SH2D1B: variants seen among roughly 807,000 people sequenced by gnomAD.
The protein encoded by SH2D1B is SH2 domain-containing protein 1B.
SH2D1B carries 11 observed loss-of-function variants against 16.3 expected under a neutral mutation model. That is an observed-to-expected ratio of 0.67 (90% CI 0.42 to 1.11). The LOEUF (loss-of-function observed/expected upper bound fraction) is 1.11. Ranked by LOEUF, SH2D1B falls within the 50% of genes most tolerant of loss-of-function variation. SH2D1B has a pLI of 0.00. For missense variants in SH2D1B, 123 were observed against 153.1 expected (o/e 0.80, Z 1.04); for synonymous variants, 55 against 56.1 (o/e 0.98, Z 0.09).
intron 2 of SH2D1B, among the ~76,000 whole-genome samples, chr1:162,402,075 T>C (rs1224115447): frequency 6.6e-6 from 1 of 152,208 alleles, no homozygotes; most frequent in Non-Finnish European, 1.5e-5. Context: ...CCCTAAACAC[T>C]CTGACCTCTT....
chr1:162,403,697 A>C, intron 1 of SH2D1B, among the ~76,000 whole-genome samples: 1 of 87,260 alleles, frequency 1.1e-5, no homozygotes, highest in African/African-American at 5.2e-5. Flanking sequence ...TGAATGAAGA[A>C]AGTTACACAC....
chr1:162,408,978 C>A (rs2250489), intron 1 of SH2D1B, among the ~76,000 whole-genome samples: 1 of 151,262 alleles, frequency 6.6e-6, no homozygotes, highest in Non-Finnish European at 1.5e-5. Flanking sequence ...CATGGTAGTG[C>A]GCACCTGTAG....
At chr1:162,399,570 C>T (rs1414856952) in intron 2 of SH2D1B, among the ~76,000 whole-genome samples, 3 of 152,068 alleles carry the variant, frequency 2.0e-5, no homozygotes, top group Non-Finnish European at 1.5e-5. Context: ...AAACGTGTGC[C>T]GTAGTGGTTT....
At position 162,412,086 on chromosome 1, in the gene SH2D1B, G is replaced by T; in HGVS notation, c.-70C>A. 6.3e-7 allele frequency: 1 copy of T among 1,594,408 alleles called. No individual in the cohort carries two copies. The highest frequency in any genetic ancestry group is 8.6e-7 in the Non-Finnish European group (1 of 1,165,080). ...CACCCCCAAGTCAAGGGACAGCTCT[G>T]AGGAGAGATGTGTAAGCAGCTGTAC... On this transcript the variant is annotated 5_prime_UTR_variant, in exon 1 of 4. Transcript: ENST00000367929.
chr1:162,405,558 C>T (rs1648634641), intron 1 of SH2D1B, among the ~76,000 whole-genome samples: 1 of 151,940 alleles, frequency 6.6e-6, no homozygotes, highest in African/African-American at 2.4e-5. Flanking sequence ...GGTTTTTGGC[C>T]TCAGATAGAA....
Position 162,412,041 on chromosome 1 carries a change from A to G in SH2D1B, c.-25T>C. 2 of 1,613,482 alleles carry G rather than the reference A, an allele frequency of 1.2e-6. No homozygotes were observed. Among genetic ancestry groups the G allele is most frequent in the African/African-American group, 1.3e-5 (1 of 75,032 alleles). ...TGGAGAACGCTCTTGTATCCCAGGA[A>G]GCCCTGTTGGCCTGAAATTCACCCC... On this transcript the variant is annotated 5_prime_UTR_variant, in exon 1 of 4. Coordinates refer to ENST00000367929, the MANE Select transcript of SH2D1B (RefSeq NM_053282.5).
chr1:162,400,498 G>A (rs1648489896), intron 2 of SH2D1B, among the ~76,000 whole-genome samples: 1 of 145,384 alleles, frequency 6.9e-6, no homozygotes, highest in South Asian at 2.2e-4. Context: ...TAGAGATGGG[G>A]TTTCACTGTG....
At chr1:162,408,784 A>G (rs1648718106) in intron 1 of SH2D1B, among the ~76,000 whole-genome samples, 1 of 151,944 alleles carries the variant, frequency 6.6e-6, no homozygotes, top group Non-Finnish European at 1.5e-5. Context: ...ACCACAGAAC[A>G]GTTGAGAATA....
In SH2D1B at chr1:162,396,834, A is replaced by G. The variant is rs2101856157; in HGVS notation, c.*446T>C. The G allele has an allele frequency of 6.2e-6, 1 of 160,160 alleles. No homozygotes were observed. The highest frequency in any genetic ancestry group is 1.8e-4 in the South Asian group (1 of 5,570). The allele number at this position is 160,160 out of a possible 1,614,324, so 9.9% of individuals were successfully genotyped here. ...ATCATCCCACCCAACCACAGAGACAAAGAAACTAAGACCTGGAGATGGGCA... is the reference window on the plus strand; with the variant it reads ...ATCATCCCACCCAACCACAGAGACAGAGAAACTAAGACCTGGAGATGGGCA... On this transcript the variant is annotated 3_prime_UTR_variant, in exon 4 of 4. Transcript: ENST00000367929.
intron 1 of SH2D1B, among the ~76,000 whole-genome samples, chr1:162,408,305 T>C (rs1041248266): frequency 6.6e-6 from 1 of 152,162 alleles, no homozygotes; most frequent in Non-Finnish European, 1.5e-5. Flanking sequence ...TTCAGTGACA[T>C]GTGTAGGGAG....
intron 1 of SH2D1B, among the ~76,000 whole-genome samples, chr1:162,404,949 A>G (rs1223972074): frequency 6.6e-6 from 1 of 152,240 alleles, no homozygotes; most frequent in African/African-American, 2.4e-5. Context: ...AATCCTGATT[A>G]TTTACCCAGG....
intron 1 of SH2D1B, among the ~76,000 whole-genome samples, chr1:162,403,504 AAAAAAAAATATATATATAT>A (rs1284334381): frequency 1.5e-3 from 48 of 31,774 alleles, no homozygotes; most frequent in African/African-American, 4.4e-3. Flanking sequence ...AAAAAAAAAA[AAAAAAAAATATATATATAT>A]ATATATATAT....
chr1:162,411,749 A>G lies in SH2D1B; in HGVS notation c.134+134T>C, dbSNP rs982059012. The G allele has an allele frequency of 5.8e-6, 7 of 1,200,338 alleles. No homozygotes were observed. In the African/African-American group the frequency reaches 7.4e-5, roughly 13 times the overall value. The allele number at this position is 1,200,338 out of a possible 1,614,324, so 74.4% of individuals were successfully genotyped here. A position where few individuals can be genotyped will look rare whatever the true frequency, so the allele number is the denominator to read the frequency against. The stretch of plus-strand genomic sequence containing the variant: ...ATACATTCCTCTCCTGGCAGTGTCC[A>G]TTACTTCTCATTCTACTCATTGAGA... On this transcript the variant is annotated intron_variant, in intron 1 of 3. Transcript: ENST00000367929.
chr1:162,402,132 T>C (rs992651673), intron 2 of SH2D1B, among the ~76,000 whole-genome samples: 2 of 152,204 alleles, frequency 1.3e-5, no homozygotes, highest in African/African-American at 4.8e-5. Context: ...TTGAGTCTTC[T>C]AATTCAACGG....
chr1:162,402,458 C>A, intron 2 of SH2D1B: 1 of 223,654 alleles, frequency 4.5e-6, no homozygotes, highest in Non-Finnish European at 8.8e-6. Flanking sequence ...GCGGAGGTTG[C>A]AGTGAGCCGA....
chr1:162,403,500 AAAAAAAAAAAAATATATAT>A (rs1459999692), intron 1 of SH2D1B, among the ~76,000 whole-genome samples: 4 of 35,148 alleles, frequency 1.1e-4, no homozygotes, highest in African/African-American at 2.3e-4. Context: ...AAAAAAAAAA[AAAAAAAAAAAAATATATAT>A]ATATATATAT....
intron 1 of SH2D1B, among the ~76,000 whole-genome samples, chr1:162,405,179 T>C (rs770620565): frequency 1.2e-4 from 18 of 152,214 alleles, no homozygotes; most frequent in Non-Finnish European, 2.5e-4. Flanking sequence ...GACTACATAC[T>C]CTATGATTTG....
chr1:162,403,169 C>T (rs2101860347), intron 1 of SH2D1B, among the ~76,000 whole-genome samples: 1 of 152,180 alleles, frequency 6.6e-6, no homozygotes, highest in South Asian at 2.1e-4. Context: ...ATATGGAAAA[C>T]AGTATGGAGG....
Position 162,395,732 on chromosome 1 carries a change from A to G in SH2D1B, c.*1548T>C, listed in dbSNP as rs974857600. 3.3e-5 allele frequency: 5 copies of G among 152,264 alleles called. No individual in the cohort carries two copies. The highest frequency in any genetic ancestry group is 9.6e-5 in the African/African-American group (4 of 41,474). 9.4% of individuals were successfully genotyped at this position (152,264 alleles called of 1,614,324 possible). ...TATCCTATTAGAAATGTAATAAAAC[A>G]TAAGATATCATTTACAGCAACTAGA... is the stretch of plus-strand genomic sequence containing the variant. On this transcript the variant is annotated 3_prime_UTR_variant, in exon 4 of 4. Transcript: ENST00000367929.
Sources: allele counts gnomAD v4.1 joint callset (sites outside exome capture counted in the v4.1 genomes callset), GRCh38; gene constraint gnomAD v4.1.1; transcripts MANE v1.5; gene names NCBI Gene and HGNC (gene_info 2026-07-23, HGNC 2026-07-21).